Variants in CDC42BPB observed in about 807,000 individuals in gnomAD.
CDC42BPB encodes the protein serine/threonine-protein kinase MRCK beta.
Under a neutral mutation model 214.9 loss-of-function variants are expected in CDC42BPB, and 37 were observed. The ratio of observed to expected loss-of-function variants is 0.17; its 90% CI spans 0.13 to 0.23. The LOEUF is 0.23. CDC42BPB is among the 10% of genes least tolerant of loss of function. CDC42BPB has a pLI of 1.00. For missense variants in CDC42BPB, 1,694 were observed against 2,227.0 expected (o/e 0.76, Z 4.82); for synonymous variants, 931 against 884.0 (o/e 1.05, Z -0.94).
intron 12 of CDC42BPB, among the ~76,000 whole-genome samples, chr14:102,973,223 C>T (rs1312150343): frequency 6.6e-6 from 1 of 152,204 alleles, no homozygotes; most frequent in Non-Finnish European, 1.5e-5. Flanking sequence ...ATGCCATGTG[C>T]CCCACACTGC....
intron 1 of CDC42BPB, among the ~76,000 whole-genome samples, chr14:103,053,532 G>C (rs143773378): frequency 0.049 from 7,395 of 151,482 alleles, 237 homozygotes; most frequent in African/African-American, 0.075. Context: ...GAGGCCAAGG[G>C]GGGCAGATCA....
intron 9 of CDC42BPB, chr14:102,976,322 A>C: frequency 1.9e-6 from 1 of 528,018 alleles, no homozygotes; most frequent in Non-Finnish European, 2.4e-6. Flanking sequence ...CTTAACTATA[A>C]ATGCAAAACC....
At position 103,041,940 on chromosome 14, in the gene CDC42BPB, C is replaced by G. The variant is rs79173829; in HGVS notation, c.175+15059G>C. 4.9e-4 allele frequency: 183 copies of G among 372,650 alleles called. 3 individuals are homozygous for G. The East Asian group carries it at 0.011, about 22-fold the overall frequency. The allele number at this position is 372,650 out of a possible 1,614,324, so 23.1% of individuals were successfully genotyped here. A position where few individuals can be genotyped will look rare whatever the true frequency, so the allele number is the denominator to read the frequency against. ...CAGGACCGGTCATGCCCATCCCAAA[C>G]GTCTGTAAGAAGGAGAAAGCCCAAG... On this transcript the variant is annotated intron_variant, in intron 1 of 36. Coordinates refer to ENST00000361246, the MANE Select transcript of CDC42BPB (RefSeq NM_006035.4).
At chr14:103,017,704 G>A (rs953978839) in intron 1 of CDC42BPB, among the ~76,000 whole-genome samples, 2 of 152,004 alleles carry the variant, frequency 1.3e-5, no homozygotes, top group East Asian at 1.9e-4. Flanking sequence ...CAGCAGTGTC[G>A]AGGTCATGAA....
intron 1 of CDC42BPB, among the ~76,000 whole-genome samples, chr14:103,017,521 A>T (rs1209270840): frequency 6.6e-6 from 1 of 152,202 alleles, no homozygotes; most frequent in African/African-American, 2.4e-5. Context: ...CAGAGCGGCC[A>T]GCATCAGTTA....
chr14:102,999,541 T>C lies in CDC42BPB; in HGVS notation c.596+24A>G, dbSNP rs888986184. ...TTTTAACAATTAAACGTGGTTTCCA[T>C]AAAATATATCAGAAGCCGGTTACCT... On this transcript the variant is annotated intron_variant, in intron 5 of 36. Transcript: ENST00000361246. The C allele has an allele frequency of 9.9e-6, 16 of 1,611,680 alleles. No individual in the cohort carries two copies. The Admixed American group carries it at 2.2e-4, about 22-fold the overall frequency.
chr14:103,004,709 A>G lies in CDC42BPB; in HGVS notation c.352-686T>C, dbSNP rs1435906491. ...ATGATGAAACCCTGTCTCTACTAAA[A>G]ACTAGAAAAACTAGCCAGGTGTGGT... On this transcript the variant is annotated intron_variant, in intron 3 of 36. Coordinates refer to ENST00000361246, the MANE Select transcript of CDC42BPB (RefSeq NM_006035.4). This position sits in a 1 kb window ranked among gnomAD's most constrained non-coding sequence, Gnocchi z 5.3. Among the ~76,000 whole-genome samples, 6 of 152,110 alleles carry G rather than the reference A, an allele frequency of 3.9e-5. No individual in the cohort carries two copies. The highest frequency in any genetic ancestry group is 8.8e-5 in the Non-Finnish European group (6 of 68,024).
chr14:102,937,661 C>T (rs17101079), intron 36 of CDC42BPB, among the ~76,000 whole-genome samples: 2 of 152,194 alleles, frequency 1.3e-5, no homozygotes, highest in Admixed American at 1.3e-4. Flanking sequence ...CTGCGCACAA[C>T]AGTGGCGCTT....
At chr14:102,967,728 C>T (rs1332822599) in intron 16 of CDC42BPB, among the ~76,000 whole-genome samples, 8 of 152,178 alleles carry the variant, frequency 5.3e-5, no homozygotes, top group African/African-American at 9.6e-5. Context: ...TATGATCGTA[C>T]GGGACGCCTG....
chr14:103,025,294 C>T (rs1016684276), intron 1 of CDC42BPB, among the ~76,000 whole-genome samples: 4 of 152,046 alleles, frequency 2.6e-5, no homozygotes, highest in East Asian at 3.9e-4. Context: ...GCACTTGGAT[C>T]GCTTAGGCTA....
At chr14:102,941,557 T>TCTC in intron 30 of CDC42BPB, 1 of 985,296 alleles carries the variant, frequency 1.0e-6, no homozygotes, top group Non-Finnish European at 1.2e-6. Context: ...AGGGAACCAC[T>TCTC]CTCCACACGG....
In CDC42BPB at chr14:103,004,161, C is replaced by A; in HGVS notation, c.352-138G>T. The A allele has an allele frequency of 7.2e-7, 1 of 1,395,586 alleles. No homozygotes were observed. The allele number at this position is 1,395,586 out of a possible 1,614,324, so 86.5% of individuals were successfully genotyped here. ...CTTCCGGGCTCCTCCTCGTGCACCACCCCGAGGCTGCTGAGGCTGAGCCAT... is the reference window on the plus strand; with the variant it reads ...CTTCCGGGCTCCTCCTCGTGCACCAACCCGAGGCTGCTGAGGCTGAGCCAT... On this transcript the variant is annotated intron_variant, in intron 3 of 36. Transcript: ENST00000361246. The surrounding 1 kb of genome is among the most constrained non-coding windows in gnomAD (Gnocchi z 5.3).
chr14:102,945,141 T>C (rs1454215756), intron 29 of CDC42BPB: 1 of 426,778 alleles, frequency 2.3e-6, no homozygotes, highest in Admixed American at 2.5e-5. Flanking sequence ...CATGCAGAGA[T>C]GCTGGGTCTG....
At position 103,055,492 on chromosome 14, in the gene CDC42BPB, C is replaced by T. The variant is rs74843735; in HGVS notation, c.175+1507G>A. 2.2e-4 allele frequency among the ~76,000 whole-genome samples: 33 copies of T among 152,318 alleles called. No homozygotes were observed. In the East Asian group the frequency reaches 6.2e-3, roughly 28 times the overall value. On this transcript the variant is annotated intron_variant, in intron 1 of 36. Coordinates refer to ENST00000361246, the MANE Select transcript of CDC42BPB (RefSeq NM_006035.4). ...TGCACCAAAGACCTCACTTTCAAAG[C>T]AACGGTGAAGTCAATTAATTATTCA...
intron 21 of CDC42BPB, among the ~76,000 whole-genome samples, chr14:102,958,269 C>A (rs546980253): frequency 2.2e-4 from 33 of 152,214 alleles, no homozygotes; most frequent in Non-Finnish European, 4.1e-4. Flanking sequence ...GAAATAACTG[C>A]TGAAGTATGT....
intron 30 of CDC42BPB, among the ~76,000 whole-genome samples, chr14:102,941,875 C>G (rs1891906455): frequency 6.6e-6 from 1 of 152,192 alleles, no homozygotes; most frequent in Non-Finnish European, 1.5e-5. Flanking sequence ...GCAGAATGAG[C>G]AGTTCTGCAT....
intron 1 of CDC42BPB, among the ~76,000 whole-genome samples, chr14:103,026,713 A>T (rs1384128447): frequency 1.3e-5 from 2 of 151,568 alleles, no homozygotes; most frequent in Non-Finnish European, 2.9e-5. Context: ...AATATTTTTT[A>T]AAAAATTAGC....
Position 102,975,780 on chromosome 14 carries a change from G to A in CDC42BPB, c.1411C>T (p.Leu471Phe). The A allele has an allele frequency of 6.2e-7, 1 of 1,614,204 alleles. No individual in the cohort carries two copies. The highest frequency in any genetic ancestry group is 1.7e-5 in the Admixed American group (1 of 60,032). Residue 471 changes from leucine to phenylalanine, a missense_variant, in exon 11 of 37, where the codon CTC becomes TTC. Physicochemically the swap from Leu to Phe is conservative, Grantham distance 22 (BLOSUM62 0). Around this residue, in one of 7 missense-constraint regions of CDC42BPB, gnomAD observed 462 missense variants for 513.5 expected, o/e 0.90. Coordinates refer to ENST00000361246, the MANE Select transcript of CDC42BPB (RefSeq NM_006035.4). ...LQESTQTVQS[L>F]HGSSRALSNS... ...CTGAGGGCCCGAGATGAGCCGTGGA[G>A]GGACTGCACGGTCTGGGTGGACTCT...
intron 1 of CDC42BPB, among the ~76,000 whole-genome samples, chr14:103,021,561 C>T (rs953115358): frequency 2.0e-5 from 3 of 150,382 alleles, no homozygotes; most frequent in African/African-American, 7.4e-5. Context: ...CGCGTGCCTG[C>T]AGTCCCAGCT....
Sources: gnomAD v4.1 joint callset for allele counts (sites outside exome capture counted in the v4.1 genomes callset) on GRCh38, gnomAD v4.1.1 for gene constraint, gnomAD v4.1.1 regional missense constraint, Gnocchi (gnomAD v3.1) non-coding constraint, MANE v1.5 for transcripts, NCBI Gene and HGNC (gene_info 2026-07-23, HGNC 2026-07-21) for gene names.